Variants in ALPG observed in about 807,000 individuals in gnomAD.
The protein encoded by ALPG is alkaline phosphatase, germ cell.
In ALPG, 32 loss-of-function variants were observed where a neutral mutation model predicts 48.6. The ratio of observed to expected loss-of-function variants is 0.66; its 90% CI spans 0.50 to 0.88. The LOEUF (loss-of-function observed/expected upper bound fraction) is 0.88. Among genes scored for constraint, ALPG ranks in the 40% least tolerant of loss-of-function variants. The pLI, the probability that ALPG is intolerant of heterozygous loss-of-function variation, is 0.00. For synonymous variants in ALPG, 244 were observed against 308.9 expected (o/e 0.79, Z 2.20); for missense variants, 533 against 718.1 (o/e 0.74, Z 2.95).
intron 1 of ALPG, 31 bp from the exon 2 acceptor site, chr2:232,407,026 C>G: frequency 6.2e-7 from 1 of 1,613,674 alleles, no homozygotes; most frequent in Non-Finnish European, 8.5e-7. Context: ...CCAGCCCAGG[C>G]TGACCTGATC....
Position 232,408,386 on chromosome 2 carries a change from G to C in ALPG, c.768G>C (p.Trp256Cys), listed in dbSNP as rs760362669. ...RLDGKNLVQE[W>C]LAKHQGARYV... ...ACGGGAAGAATCTGGTGCAGGAATGGCTGGCGAAGCACCAGGTGATGGGGG... is the reference window on the plus strand; with the variant it reads ...ACGGGAAGAATCTGGTGCAGGAATGCCTGGCGAAGCACCAGGTGATGGGGG... The change falls in exon 6 of 11, where the codon TGG becomes TGC. Residue 256 changes from tryptophan (W) to cysteine (C), a missense_variant. Coordinates refer to ENST00000295453, the MANE Select transcript of ALPG (RefSeq NM_031313.3). The C allele has an allele frequency of 8.9e-6, 14 of 1,577,948 alleles. 1 individual carries two copies. The highest frequency in any genetic ancestry group is 1.2e-5 in the Non-Finnish European group (14 of 1,152,836).
In ALPG at chr2:232,407,894, A is replaced by T; in HGVS notation, c.525A>T (p.Pro175=). The T allele has an allele frequency of 6.2e-7, 1 of 1,613,504 alleles. No individual in the cohort carries two copies. Among genetic ancestry groups the T allele is most frequent in the Non-Finnish European group, 8.5e-7 (1 of 1,180,008 alleles). The change falls in exon 5 of 11, where the codon CCA becomes CCT. Residue 175 remains proline (P), a synonymous_variant. Transcript: ENST00000295453. ...CCACACGGGTGCAGCATGCCTCGCCAGCCGGCGCCTACGCCCACACGGTGA... is the reference window on the plus strand; with the variant it reads ...CCACACGGGTGCAGCATGCCTCGCCTGCCGGCGCCTACGCCCACACGGTGA... The part of the protein sequence containing the change: ...VTTTRVQHAS[P]AGAYAHTVNR...
chr2:232,410,036 C>T lies in ALPG; in HGVS notation c.*164C>T. On this transcript the variant is annotated 3_prime_UTR_variant, in exon 11 of 11. Transcript: ENST00000295453. The stretch of plus-strand genomic sequence containing the variant: ...CCCGGTGCACCCTGGGGACCGAGCC[C>T]TTGACACCACGCCCTTTGCTTTATC... 9.2e-7 allele frequency: 1 copy of T among 1,090,550 alleles called. No homozygotes were observed. The highest frequency in any genetic ancestry group is 1.3e-6 in the Non-Finnish European group (1 of 786,754). The allele number at this position is 1,090,550 out of a possible 1,614,324, so 67.6% of individuals were successfully genotyped here.
chr2:232,407,004 AC>A (rs1340270332), intron 1 of ALPG, 43 bp downstream of exon 1: 1 of 1,612,744 alleles, frequency 6.2e-7, no homozygotes, highest in Non-Finnish European at 8.5e-7. Flanking sequence ...ACACACACAC[AC>A]AGGGCACCCC....
intron 2 of ALPG, 38 bp from the exon 3 acceptor site, chr2:232,407,248 C>T: frequency 6.2e-7 from 1 of 1,613,902 alleles, no homozygotes; most frequent in Non-Finnish European, 8.5e-7. Flanking sequence ...TCCAGGACAG[C>T]CCTGGGGAGC....
In ALPG at chr2:232,409,747, G is replaced by A. The variant is rs1407092457; in HGVS notation, c.1474G>A (p.Ala492Thr). 1.2e-6 allele frequency: 2 copies of A among 1,609,116 alleles called. No individual in the cohort carries two copies. The highest frequency in any genetic ancestry group is 1.7e-6 in the Non-Finnish European group (2 of 1,178,362). ...AFAACLEPYT[A>T]CDLAPRAGTT... Reference sequence around the variant, plus strand: ...CGCCGCCTGCCTGGAGCCCTACACCGCCTGCGACCTGGCGCCCCGCGCCGG... The same window carrying A: ...CGCCGCCTGCCTGGAGCCCTACACCACCTGCGACCTGGCGCCCCGCGCCGG... Residue 492 changes from alanine to threonine, a missense_variant, in exon 11 of 11, where the codon GCC becomes ACC. By Grantham distance (58) the Ala-to-Thr change is moderately conservative. Coordinates refer to ENST00000295453, the MANE Select transcript of ALPG (RefSeq NM_031313.3).
In ALPG at chr2:232,407,560, C is replaced by T. The variant is rs555647763; in HGVS notation, c.301-34C>T. The T allele has an allele frequency of 3.1e-6, 5 of 1,612,632 alleles. No individual in the cohort carries two copies. In the East Asian group the frequency reaches 1.1e-4, roughly 36 times the overall value. ...AGAGATCAGGGTCTTGTTTGTCTGC[C>T]CCAGAGAAGAGCTCAGAGTGTCTCT... On this transcript the variant is annotated intron_variant, in intron 3 of 10. Coordinates refer to ENST00000295453, the MANE Select transcript of ALPG (RefSeq NM_031313.3).
intron 9 of ALPG, 83 bp downstream of exon 9, chr2:232,409,195 G>A: frequency 2.2e-5 from 33 of 1,503,044 alleles, no homozygotes; most frequent in Non-Finnish European, 2.6e-5. Flanking sequence ...CTGTCAAATG[G>A]GAGTAATGCT....
In ALPG at chr2:232,407,869, C is replaced by T; in HGVS notation, c.500C>T (p.Thr167Ile). ...GGAAAGTCAGTGGGAGTGGTAACCACCACACGGGTGCAGCATGCCTCGCCA... is the reference window on the plus strand; with the variant it reads ...GGAAAGTCAGTGGGAGTGGTAACCATCACACGGGTGCAGCATGCCTCGCCA... ...KAGKSVGVVT[T>I]TRVQHASPAG... is the part of the protein sequence containing the mutation. Residue 167 changes from threonine (T) to isoleucine (I), a missense_variant, in exon 5 of 11, where the codon ACC becomes ATC. Physicochemically the swap from Thr to Ile is moderately conservative, Grantham distance 89 (BLOSUM62 -1). Transcript: ENST00000295453. 1 of 1,613,520 alleles carries T rather than the reference C, an allele frequency of 6.2e-7. No individual in the cohort carries two copies. The highest frequency in any genetic ancestry group is 8.5e-7 in the Non-Finnish European group (1 of 1,180,022).
At chr2:232,408,234 C>T (rs375906740) in intron 5 of ALPG, 33 bp from the exon 6 acceptor site, 15 of 1,611,766 alleles carry the variant, frequency 9.3e-6, no homozygotes, top group Middle Eastern at 1.7e-4. Context: ...CAGCCAGGCC[C>T]CCAAATCCAC....
chr2:232,408,443 G>C, intron 6 of ALPG, 42 bp downstream of exon 6: 1 of 1,513,894 alleles, frequency 6.6e-7, no homozygotes, highest in Non-Finnish European at 9.1e-7. Flanking sequence ...GCAGGGGGAG[G>C]GCAGAGGTGT....
At chr2:232,407,566 G>T in intron 3 of ALPG, 28 bp from the exon 4 acceptor site, 1 of 1,613,138 alleles carries the variant, frequency 6.2e-7, no homozygotes, top group Non-Finnish European at 8.5e-7. Flanking sequence ...CTGCCCCAGA[G>T]AAGAGCTCAG....
In ALPG at chr2:232,407,923, G is replaced by A. The variant is rs553481936; in HGVS notation, c.554G>A (p.Arg185His). ...PAGAYAHTVNRNWYSDADVPA... is the reference protein window; with the variant it reads ...PAGAYAHTVNHNWYSDADVPA... Reference sequence around the variant, plus strand: ...GGCGCCTACGCCCACACGGTGAACCGCAACTGGTACTCGGATGCCGACGTG... The same window carrying A: ...GGCGCCTACGCCCACACGGTGAACCACAACTGGTACTCGGATGCCGACGTG... Residue 185 changes from arginine (R) to histidine (H), a missense_variant, in exon 5 of 11, where the codon CGC becomes CAC. Coordinates refer to ENST00000295453, the MANE Select transcript of ALPG (RefSeq NM_031313.3). The A allele has an allele frequency of 6.8e-6, 11 of 1,613,476 alleles. No homozygotes were observed. Among genetic ancestry groups the A allele is most frequent in the African/African-American group, 2.7e-5 (2 of 75,074 alleles).
Position 232,409,969 on chromosome 2 carries a change from C to T in ALPG, c.*97C>T. On this transcript the variant is annotated 3_prime_UTR_variant, in exon 11 of 11. Coordinates refer to ENST00000295453, the MANE Select transcript of ALPG (RefSeq NM_031313.3). ...GGACCTCCACCTGGAGCTGTCACCC[C>T]CGGAGTCGCCACACAGACGTCCTGC... is the stretch of plus-strand genomic sequence containing the variant. The T allele has an allele frequency of 6.9e-7, 1 of 1,446,788 alleles. No individual in the cohort carries two copies. Among genetic ancestry groups the T allele is most frequent in the Non-Finnish European group, 9.1e-7 (1 of 1,103,612 alleles). The allele number at this position is 1,446,788 out of a possible 1,614,324, so 89.6% of individuals were successfully genotyped here.
intron 5 of ALPG, 60 bp downstream of exon 5, chr2:232,408,077 C>T (rs1334991618): frequency 1.3e-6 from 2 of 1,575,588 alleles, no homozygotes; most frequent in Non-Finnish European, 1.7e-6. Context: ...GGGGCACCAG[C>T]TCAGACCCAG....
intron 2 of ALPG, 33 bp from the exon 3 acceptor site, chr2:232,407,253 G>C (rs769713558): frequency 3.1e-6 from 5 of 1,613,924 alleles, no homozygotes; most frequent in Non-Finnish European, 4.2e-6. Context: ...GACAGCCCTG[G>C]GGAGCAAGCC....
Position 232,408,022 on chromosome 2 carries a change from G to C in ALPG, c.648+5G>C, listed in dbSNP as rs1443340666. The C allele has an allele frequency of 9.3e-6, 15 of 1,606,666 alleles. No individual in the cohort carries two copies. The South Asian group carries it at 1.3e-4, about 14-fold the overall frequency. On this transcript the variant is annotated splice_donor_5th_base_variant and intron_variant, in intron 5 of 10. Coordinates refer to ENST00000295453, the MANE Select transcript of ALPG (RefSeq NM_031313.3). ...ATCTCCAACATGGACATTGATGTGC[G>C]ACCCCCGGGCCAAGGGCTGGGGCTG...
rs757972653 is a variant in ALPG at position 232,409,988 on chromosome 2, G to A, written c.*116G>A. The A allele has an allele frequency of 2.1e-6, 3 of 1,404,470 alleles. No individual in the cohort carries two copies. Among genetic ancestry groups the A allele is most frequent in the African/African-American group, 1.4e-5 (1 of 69,004 alleles). 87.0% of individuals were successfully genotyped at this position (1,404,470 alleles called of 1,614,324 possible). ...TCACCCCCGGAGTCGCCACACAGAC[G>A]TCCTGCCATGGAACCTTCCCCTCCC... is the stretch of plus-strand genomic sequence containing the variant. On this transcript the variant is annotated 3_prime_UTR_variant, in exon 11 of 11. Transcript: ENST00000295453.
chr2:232,407,633 A>G lies in ALPG; in HGVS notation c.340A>G (p.Thr114Ala), dbSNP rs1559247504. Residue 114 changes from threonine to alanine, a missense_variant, in exon 4 of 11, where the codon ACA (threonine) becomes GCA (alanine). Coordinates refer to ENST00000295453, the MANE Select transcript of ALPG (RefSeq NM_031313.3). Reference protein sequence around the residue: ...VDKHVPDSGATATAYLCGVKG... With the variant: ...VDKHVPDSGAAATAYLCGVKG... ...CAAGCATGTGCCAGACAGTGGAGCC[A>G]CAGCCACGGCCTACCTGTGCGGGGT... 4.3e-6 allele frequency: 7 copies of G among 1,613,938 alleles called. No individual in the cohort carries two copies. The highest frequency in any genetic ancestry group is 5.9e-6 in the Non-Finnish European group (7 of 1,180,030).
Sources: allele counts gnomAD v4.1 joint callset, GRCh38; gene constraint gnomAD v4.1.1; transcripts MANE v1.5; gene names NCBI Gene and HGNC (gene_info 2026-07-23, HGNC 2026-07-21).